The following AGBL4 variants were observed in gnomAD, a reference collection of about 807,000 sequenced individuals.
AGBL4 encodes the protein cytosolic carboxypeptidase 6.
AGBL4 carries 58 observed loss-of-function variants against 66.4 expected under a neutral mutation model. That is an observed-to-expected ratio of 0.87 (90% confidence interval 0.71 to 1.09). The LOEUF (loss-of-function observed/expected upper bound fraction) is 1.09, where lower values mean the gene tolerates loss of function less well. Ranked by LOEUF, AGBL4 falls within the 50% of genes least tolerant of loss-of-function variation. The probability of loss-of-function intolerance (pLI) is 0.00; values close to 1 mark genes in which losing one functional copy is unlikely to be tolerated. For synonymous variants in AGBL4, 234 were observed against 222.9 expected, an observed-to-expected ratio of 1.05 and a Z score of -0.44; for missense variants, 579 against 631.0, an observed-to-expected ratio of 0.92 and a Z score of 0.88.
chr1:49,488,748 G>C (rs1052987700), intron 3 of AGBL4, among the ~76,000 whole-genome samples: 1 of 151,706 alleles, frequency 6.6e-6, no homozygotes, highest in Non-Finnish European at 1.5e-5. Flanking sequence ...ATCTCCATGA[G>C]TTAAATTGTT....
intron 10 of AGBL4, 126 bp downstream of exon 10, chr1:48,590,707 C>T: frequency 9.2e-7 from 1 of 1,083,396 alleles, no homozygotes; most frequent in Non-Finnish European, 1.3e-6. Context: ...CTTCATCACC[C>T]ACACAATACC....
At chr1:49,199,511 T>C (rs1265083545) in intron 4 of AGBL4, among the ~76,000 whole-genome samples, 1 of 152,190 alleles carries the variant, frequency 6.6e-6, no homozygotes, top group Non-Finnish European at 1.5e-5. Flanking sequence ...GCCTTTCTAG[T>C]GGCAGGAACC....
chr1:48,663,085 T>C, intron 7 of AGBL4, 67 bp downstream of exon 7: 1 of 1,473,206 alleles, frequency 6.8e-7, no homozygotes, highest in East Asian at 2.3e-5. Flanking sequence ...GCCACACTGT[T>C]CCAGAGATCA....
chr1:48,961,080 G>GTGT (rs1657929065), intron 5 of AGBL4, among the ~76,000 whole-genome samples: 1 of 148,626 alleles, frequency 6.7e-6, no homozygotes, highest in African/African-American at 2.5e-5. Context: ...CCCAGTCTGG[G>GTGT]GTGTGTGTGT....
intron 3 of AGBL4, among the ~76,000 whole-genome samples, chr1:49,434,232 A>G (rs1395204981): frequency 6.7e-6 from 1 of 149,368 alleles, no homozygotes; most frequent in African/African-American, 2.5e-5. Flanking sequence ...TCCTTTTATC[A>G]ATCTGGATTG....
intron 4 of AGBL4, among the ~76,000 whole-genome samples, chr1:49,190,409 T>C (rs947804733): frequency 3.3e-5 from 5 of 152,214 alleles, no homozygotes; most frequent in African/African-American, 1.2e-4. Context: ...GGAAAAGGCT[T>C]GGATCTGAGC....
chr1:49,481,527 G>A (rs1469426826), intron 3 of AGBL4, among the ~76,000 whole-genome samples: 1 of 151,662 alleles, frequency 6.6e-6, no homozygotes, highest in African/African-American at 2.4e-5. Flanking sequence ...GAAGCTTTTG[G>A]ACTGAGATGG....
intron 3 of AGBL4, among the ~76,000 whole-genome samples, chr1:49,517,100 C>T (rs1347815805): frequency 6.6e-6 from 1 of 151,846 alleles, no homozygotes; most frequent in Non-Finnish European, 1.5e-5. Flanking sequence ...GCAGCTGAGC[C>T]AGTGAAAGCA....
chr1:48,625,630 T>A (rs1428309338), intron 9 of AGBL4, among the ~76,000 whole-genome samples: 2 of 152,146 alleles, frequency 1.3e-5, no homozygotes, highest in Non-Finnish European at 1.5e-5. Context: ...CCATTCCCAA[T>A]TTACAAACAG....
chr1:49,705,731 T>C (rs1377012064), intron 2 of AGBL4, among the ~76,000 whole-genome samples: 1 of 152,076 alleles, frequency 6.6e-6, no homozygotes, highest in Non-Finnish European at 1.5e-5. Flanking sequence ...ACCTAGTTTA[T>C]TGAGTGTTTT....
intron 4 of AGBL4, among the ~76,000 whole-genome samples, chr1:49,166,487 C>T (rs902446520): frequency 1.4e-4 from 22 of 151,982 alleles, no homozygotes; most frequent in African/African-American, 3.9e-4. Flanking sequence ...AATTTGTAAC[C>T]GAGTCTCCCG....
chr1:49,441,601 T>C (rs1557943698), intron 3 of AGBL4, among the ~76,000 whole-genome samples: 1 of 152,074 alleles, frequency 6.6e-6, no homozygotes, highest in Non-Finnish European at 1.5e-5. Flanking sequence ...CCTTGAGAAA[T>C]AGATTTGTGA....
chr1:48,776,899 C>T, intron 6 of AGBL4: 1 of 399,556 alleles, frequency 2.5e-6, no homozygotes, highest in Non-Finnish European at 4.0e-6. Context: ...GGTGGGGATC[C>T]GGCGGGGGGC....
intron 6 of AGBL4, among the ~76,000 whole-genome samples, chr1:48,677,495 C>G (rs1049496183): frequency 6.8e-6 from 1 of 146,702 alleles, no homozygotes; most frequent in African/African-American, 2.5e-5. Context: ...AGCACCTGCT[C>G]TGTGCCAGGC....
intron 4 of AGBL4, among the ~76,000 whole-genome samples, chr1:49,202,869 G>A (rs183241722): frequency 2.0e-5 from 3 of 151,914 alleles, no homozygotes; most frequent in Admixed American, 6.6e-5. Context: ...TCAATGAGGG[G>A]TTAATATCCA....
intron 6 of AGBL4, among the ~76,000 whole-genome samples, chr1:48,853,904 A>G (rs1647087931): frequency 6.6e-6 from 1 of 152,120 alleles, no homozygotes; most frequent in Non-Finnish European, 1.5e-5. Flanking sequence ...CCCTGAACCA[A>G]TGAGAACCAG....
rs181670364 is a variant in AGBL4 at position 48,974,699 on chromosome 1, A to C, written c.594+70885T>G. ...ATTGGATGAATCTTGGAGAATGACT[A>C]TAAAATACTATAAATTTAAATAGGT... On this transcript the variant is annotated intron_variant, in intron 5 of 13. Transcript: ENST00000371839. Among the ~76,000 whole-genome samples the C allele has an allele frequency of 4.2e-3, 639 of 152,310 alleles. 7 individuals carry two copies. Among genetic ancestry groups the C allele is most frequent in the African/African-American group, 0.014 (574 of 41,572 alleles).
intron 2 of AGBL4, among the ~76,000 whole-genome samples, chr1:49,794,665 C>T (rs189233782): frequency 8.6e-5 from 13 of 152,010 alleles, no homozygotes; most frequent in East Asian, 1.9e-4. Context: ...CTCTCCCCAA[C>T]GCCAGTAAAA....
chr1:49,855,827 G>C (rs2148072615), intron 1 of AGBL4, among the ~76,000 whole-genome samples: 1 of 152,078 alleles, frequency 6.6e-6, no homozygotes, highest in East Asian at 1.9e-4. Flanking sequence ...ATGTAATGCT[G>C]CACATCAAGA....
Sources: allele counts gnomAD v4.1 joint callset (sites outside exome capture counted in the v4.1 genomes callset), GRCh38; gene constraint gnomAD v4.1.1; transcripts MANE v1.5; gene names NCBI Gene and HGNC (gene_info 2026-07-23, HGNC 2026-07-21).